Variants in CNTN5 observed in about 807,000 individuals in gnomAD.
CNTN5 encodes the protein contactin-5.
Under a neutral mutation model 129.1 loss-of-function variants are expected in CNTN5, and 77 were observed. That is an observed-to-expected ratio of 0.60 (90% CI 0.50 to 0.72). CNTN5 has a LOEUF of 0.72. CNTN5 is among the 30% of genes least tolerant of loss of function. The probability of loss-of-function intolerance (pLI) is 0.00; values close to 1 mark genes in which losing one functional copy is unlikely to be tolerated. For missense variants in CNTN5, 1,478 were observed against 1,328.8 expected, an observed-to-expected ratio of 1.11 and a Z score of -1.75; for synonymous variants, 509 against 465.6, an observed-to-expected ratio of 1.09 and a Z score of -1.20.
intron 15 of CNTN5, among the ~76,000 whole-genome samples, chr11:100,199,438 A>C (rs1012901909): frequency 6.6e-6 from 1 of 151,812 alleles, no homozygotes; most frequent in Non-Finnish European, 1.5e-5. Flanking sequence ...TGACCGCCAC[A>C]TATTTGCTAT....
chr11:99,227,087 G>A (rs1302340101), intron 1 of CNTN5, among the ~76,000 whole-genome samples: 3 of 152,080 alleles, frequency 2.0e-5, no homozygotes, highest in Non-Finnish European at 2.9e-5. Flanking sequence ...GTGGCCACAC[G>A]CAGTGGCTCC....
intron 3 of CNTN5, among the ~76,000 whole-genome samples, chr11:99,701,967 A>G (rs1293742404): frequency 2.6e-5 from 4 of 151,130 alleles, no homozygotes; most frequent in Non-Finnish European, 5.9e-5. Flanking sequence ...AATACCAATT[A>G]ATTTGTGACA....
intron 2 of CNTN5, among the ~76,000 whole-genome samples, chr11:99,397,093 T>C (rs147656032): frequency 1.3e-5 from 2 of 151,746 alleles, no homozygotes; most frequent in African/African-American, 4.8e-5. Context: ...GCCAGTCCTC[T>C]AGGTTGTGAC....
chr11:99,906,480 A>G (rs1020335423), intron 6 of CNTN5, among the ~76,000 whole-genome samples: 1 of 152,150 alleles, frequency 6.6e-6, no homozygotes, highest in Non-Finnish European at 1.5e-5. Flanking sequence ...CTTGAATACC[A>G]GGGATGAAGC....
chr11:99,358,233 C>T (rs1343053719), intron 2 of CNTN5, among the ~76,000 whole-genome samples: 5 of 104,672 alleles, frequency 4.8e-5, no homozygotes, highest in African/African-American at 7.0e-5. Context: ...GGACTACAGG[C>T]GCCCGCCACC....
chr11:99,265,486 A>G (rs1046996039), intron 1 of CNTN5, among the ~76,000 whole-genome samples: 2 of 152,058 alleles, frequency 1.3e-5, no homozygotes, highest in Admixed American at 1.3e-4. Flanking sequence ...GAAAGACAAC[A>G]TATTTGAAAA....
At chr11:99,264,486 T>G (rs1265558384) in intron 1 of CNTN5, among the ~76,000 whole-genome samples, 1 of 152,052 alleles carries the variant, frequency 6.6e-6, no homozygotes, top group African/African-American at 2.4e-5. Context: ...ATCTATAATA[T>G]GAATTCACTG....
chr11:100,134,943 T>C (rs1462592583), intron 13 of CNTN5, among the ~76,000 whole-genome samples: 1 of 152,154 alleles, frequency 6.6e-6, no homozygotes, highest in African/African-American at 2.4e-5. Context: ...AACTCATCTT[T>C]TTATACTTAG....
intron 3 of CNTN5, among the ~76,000 whole-genome samples, chr11:99,714,515 A>G (rs1006991228): frequency 1.3e-5 from 2 of 152,012 alleles, no homozygotes; most frequent in African/African-American, 4.8e-5. Context: ...GAGAAAGAAG[A>G]AAGAAAATAA....
At chr11:99,080,520 T>C (rs1865748565) in intron 1 of CNTN5, among the ~76,000 whole-genome samples, 2 of 152,328 alleles carry the variant, frequency 1.3e-5, no homozygotes, top group East Asian at 3.9e-4. Flanking sequence ...AACACCATCC[T>C]ATCAGCAGAA....
chr11:99,354,959 C>T (rs79620951), intron 2 of CNTN5, among the ~76,000 whole-genome samples: 7,756 of 152,202 alleles, frequency 0.051, 221 homozygotes, highest in Middle Eastern at 0.068. Context: ...TATGGACAGA[C>T]AGGCCCCCTT....
chr11:99,183,369 C>T (rs890145805), intron 1 of CNTN5, among the ~76,000 whole-genome samples: 2 of 152,152 alleles, frequency 1.3e-5, no homozygotes, highest in African/African-American at 2.4e-5. Flanking sequence ...AGTTATTCCT[C>T]TAAGTGACAT....
intron 3 of CNTN5, among the ~76,000 whole-genome samples, chr11:99,784,744 T>C (rs1405043152): frequency 6.6e-6 from 1 of 151,206 alleles, no homozygotes; most frequent in Non-Finnish European, 1.5e-5. Flanking sequence ...TGTTGTTTCC[T>C]GACTTTTTAA....
chr11:99,485,612 A>AT (rs57476743), intron 2 of CNTN5, among the ~76,000 whole-genome samples: 3,291 of 152,162 alleles, frequency 0.022, 158 homozygotes, highest in East Asian at 0.13. Context: ...TTATTGATTA[A>AT]TAAAAGCATC....
intron 1 of CNTN5, among the ~76,000 whole-genome samples, chr11:99,167,041 TATTA>T (rs1860908602): frequency 6.6e-6 from 1 of 152,216 alleles, no homozygotes; most frequent in Non-Finnish European, 1.5e-5. Context: ...ACTTTTTCTG[TATTA>T]ATTAAGAAGT....
rs569941835 is a variant in CNTN5 at position 99,614,348 on chromosome 11, A to G, written c.55+58079A>G. On this transcript the variant is annotated intron_variant, in intron 3 of 24. Transcript: ENST00000524871. ...CAATCCAGAGTAAAGGGAAAAATAAACATGGTTTTCTCAAGTTCAAGCTTT... is the reference window on the plus strand; with the variant it reads ...CAATCCAGAGTAAAGGGAAAAATAAGCATGGTTTTCTCAAGTTCAAGCTTT... Among the ~76,000 whole-genome samples, 9 of 152,326 alleles carry G rather than the reference A, an allele frequency of 5.9e-5. No individual in the cohort carries two copies. The South Asian group carries it at 1.9e-3, about 32-fold the overall frequency.
intron 3 of CNTN5, among the ~76,000 whole-genome samples, chr11:99,804,102 A>G (rs1946196131): frequency 6.6e-6 from 1 of 152,164 alleles, no homozygotes; most frequent in East Asian, 1.9e-4. Context: ...CAAATCTTCT[A>G]CTTTTTATAC....
chr11:99,598,304 CTTTTCTTTTCTTTTCTTT>C (rs1950194078), intron 3 of CNTN5, among the ~76,000 whole-genome samples: 2 of 40,690 alleles, frequency 4.9e-5, no homozygotes, highest in Non-Finnish European at 8.3e-5. Flanking sequence ...CTTTTCTTTT[CTTTTCTTTTCTTTTCTTT>C]TCTGTCCCTC....
intron 6 of CNTN5, among the ~76,000 whole-genome samples, chr11:99,875,084 C>T (rs1362104292): frequency 1.3e-5 from 2 of 152,098 alleles, no homozygotes; most frequent in African/African-American, 4.8e-5. Flanking sequence ...TCAAATTATA[C>T]TGATACATAT....
Sources: gnomAD v4.1 joint callset for allele counts (sites outside exome capture counted in the v4.1 genomes callset) on GRCh38, gnomAD v4.1.1 for gene constraint, MANE v1.5 for transcripts, NCBI Gene and HGNC (gene_info 2026-07-23, HGNC 2026-07-21) for gene names.